The following SHISA6 variants were observed in gnomAD, a reference collection of about 807,000 sequenced individuals.
SHISA6 encodes the protein protein shisa-6.
SHISA6 carries 22 observed loss-of-function variants against 47.9 expected under a neutral mutation model. The ratio of observed to expected loss-of-function variants is 0.46; its 90% CI spans 0.33 to 0.66. The LOEUF is 0.66. Among genes scored for constraint, SHISA6 ranks in the 30% least tolerant of loss-of-function variants. The probability of loss-of-function intolerance (pLI) is 0.02; values close to 1 mark genes in which losing one functional copy is unlikely to be tolerated. For missense variants in SHISA6, 680 were observed against 764.6 expected (o/e 0.89, Z 1.30); for synonymous variants, 388 against 337.8 (o/e 1.15, Z -1.63).
chr17:11,519,758 C>A (rs2071613895), intron 3 of SHISA6, among the ~76,000 whole-genome samples: 3 of 152,164 alleles, frequency 2.0e-5, no homozygotes, highest in Admixed American at 2.0e-4. Context: ...TTCCACCTCC[C>A]CCACGCCAAC....
intron 3 of SHISA6, among the ~76,000 whole-genome samples, chr17:11,421,857 A>ATT (rs1914459197): frequency 1.3e-5 from 2 of 152,186 alleles, no homozygotes; most frequent in Non-Finnish European, 2.9e-5. Flanking sequence ...GAGTCAGGGA[A>ATT]GGCAGAGGAG....
At chr17:11,479,782 A>G (rs1916167128) in intron 3 of SHISA6, among the ~76,000 whole-genome samples, 1 of 151,820 alleles carries the variant, frequency 6.6e-6, no homozygotes, top group African/African-American at 2.4e-5. Context: ...AATTTAATAC[A>G]TTGTTGCTAT....
intron 2 of SHISA6, among the ~76,000 whole-genome samples, chr17:11,314,728 C>T (rs558688646): frequency 8.6e-5 from 13 of 151,978 alleles, no homozygotes; most frequent in East Asian, 1.9e-4. Context: ...TTAGTAGAGA[C>T]GGGGTTTCAC....
At chr17:11,502,923 C>CT (rs1382674756) in intron 3 of SHISA6, among the ~76,000 whole-genome samples, 1 of 152,148 alleles carries the variant, frequency 6.6e-6, no homozygotes, top group Non-Finnish European at 1.5e-5. Flanking sequence ...CTCAAGCTGT[C>CT]TAATTCCTTG....
intron 2 of SHISA6, among the ~76,000 whole-genome samples, chr17:11,354,539 G>A (rs924425221): frequency 6.6e-6 from 1 of 152,194 alleles, no homozygotes; most frequent in African/African-American, 2.4e-5. Context: ...AGAGCAGTTG[G>A]GAGTAAATTA....
chr17:11,296,221 T>G (rs1312819751), intron 2 of SHISA6, among the ~76,000 whole-genome samples: 2 of 152,150 alleles, frequency 1.3e-5, no homozygotes, highest in Non-Finnish European at 2.9e-5. Flanking sequence ...CATGGTCATC[T>G]TTACATGTTT....
At chr17:11,334,948 C>T (rs143274466) in intron 2 of SHISA6, among the ~76,000 whole-genome samples, 69 of 152,294 alleles carry the variant, frequency 4.5e-4, no homozygotes, top group Non-Finnish European at 8.2e-4. Flanking sequence ...TGCACCTGCA[C>T]GAGGCTGGGC....
chr17:11,423,893 G>T (rs1258435656), intron 3 of SHISA6, among the ~76,000 whole-genome samples: 2 of 152,014 alleles, frequency 1.3e-5, no homozygotes, highest in Non-Finnish European at 2.9e-5. Context: ...CTAGACATGG[G>T]AAAAGTAGTA....
At chr17:11,501,167 C>A (rs2071449784) in intron 3 of SHISA6, among the ~76,000 whole-genome samples, 1 of 150,856 alleles carries the variant, frequency 6.6e-6, no homozygotes, top group Admixed American at 6.6e-5. Context: ...GGCTGGAGTG[C>A]AATGGCACAA....
chr17:11,376,137 CAG>C (rs938048315), intron 2 of SHISA6, among the ~76,000 whole-genome samples: 2 of 152,134 alleles, frequency 1.3e-5, no homozygotes, highest in African/African-American at 4.8e-5. Context: ...GGCAGATGGG[CAG>C]AGACTGCAGG....
At chr17:11,461,162 C>T (rs985737404) in intron 3 of SHISA6, among the ~76,000 whole-genome samples, 1 of 152,088 alleles carries the variant, frequency 6.6e-6, no homozygotes, top group Non-Finnish European at 1.5e-5. Flanking sequence ...CTTCAGGAGG[C>T]GGAGGCAGGC....
chr17:11,447,488 C>T (rs1429723648), intron 3 of SHISA6, among the ~76,000 whole-genome samples: 1 of 152,144 alleles, frequency 6.6e-6, no homozygotes, highest in Non-Finnish European at 1.5e-5. Context: ...ATGGAGCCAC[C>T]TTCCTTGAGT....
At chr17:11,457,678 T>C (rs1360890394) in intron 3 of SHISA6, among the ~76,000 whole-genome samples, 1 of 147,334 alleles carries the variant, frequency 6.8e-6, no homozygotes, top group East Asian at 2.0e-4. Context: ...GTGGTGGAGG[T>C]TGCAGTAAGC....
Position 11,241,457 on chromosome 17 carries a change from T to A in SHISA6, c.35T>A (p.Leu12His). The change falls in exon 1 of 6, where the codon CTC becomes CAC. Residue 12 changes from leucine (L) to histidine (H), a missense_variant. Leu to His is a moderately conservative substitution (Grantham distance 99, BLOSUM62 -3). This residue lies in a region of SHISA6 where 121 missense variants were observed against 90.5 expected (regional missense o/e 1.34). Transcript: ENST00000441885. This position sits in a 1 kb window ranked among gnomAD's most constrained non-coding sequence, Gnocchi z 5.5. ...CGGCGCCTCCTGCTGCTGCTGCTGCTCTCGCTGGAGTCCCTGGACCTGCTG... is the reference window on the plus strand; with the variant it reads ...CGGCGCCTCCTGCTGCTGCTGCTGCACTCGCTGGAGTCCCTGGACCTGCTG... ...ALRRLLLLLL[L>H]SLESLDLLPS... 1 of 1,208,644 alleles carries A rather than the reference T, an allele frequency of 8.3e-7. No homozygotes were observed. Among genetic ancestry groups the A allele is most frequent in the Non-Finnish European group, 1.0e-6 (1 of 955,278 alleles). The allele number at this position is 1,208,644 out of a possible 1,614,324, so 74.9% of individuals were successfully genotyped here.
intron 1 of SHISA6, among the ~76,000 whole-genome samples, chr17:11,248,092 A>G (rs1373060741): frequency 6.6e-6 from 1 of 152,044 alleles, no homozygotes; most frequent in Non-Finnish European, 1.5e-5. Context: ...CTTTCTTTGC[A>G]GATATTGTAG....
intron 2 of SHISA6, among the ~76,000 whole-genome samples, chr17:11,336,999 A>C (rs949147986): frequency 2.0e-5 from 3 of 152,104 alleles, no homozygotes; most frequent in Non-Finnish European, 4.4e-5. Flanking sequence ...AAGTCAGACA[A>C]GGAGGAGTGG....
At chr17:11,335,010 C>G (rs2142207905) in intron 2 of SHISA6, among the ~76,000 whole-genome samples, 1 of 152,358 alleles carries the variant, frequency 6.6e-6, no homozygotes, top group South Asian at 2.1e-4. Context: ...ATGTGGGAGG[C>G]TGGCAACTTA....
chr17:11,549,244 C>G (rs1208232321), intron 3 of SHISA6, among the ~76,000 whole-genome samples: 1 of 152,142 alleles, frequency 6.6e-6, no homozygotes, highest in South Asian at 2.1e-4. Context: ...GGAAATACAA[C>G]AAAATGTCAC....
chr17:11,440,397 C>T (rs1915062265), intron 3 of SHISA6, among the ~76,000 whole-genome samples: 1 of 152,004 alleles, frequency 6.6e-6, no homozygotes, highest in African/African-American at 2.4e-5. Context: ...TACCAGTCCT[C>T]AATTCCTGCT....
Sources: allele counts gnomAD v4.1 joint callset (sites outside exome capture counted in the v4.1 genomes callset), GRCh38; gene constraint gnomAD v4.1.1; regional missense constraint gnomAD v4.1.1; non-coding constraint Gnocchi (gnomAD v3.1); transcripts MANE v1.5; gene names NCBI Gene and HGNC (gene_info 2026-07-23, HGNC 2026-07-21).